KLB: variants seen among roughly 807,000 people sequenced by gnomAD.
KLB encodes klotho beta, also known as beta-klotho.
A neutral mutation model predicts 88.4 loss-of-function variants in KLB; 44 were observed. That is an observed-to-expected ratio of 0.50 (90% CI 0.39 to 0.64). The LOEUF (loss-of-function observed/expected upper bound fraction) is 0.64. KLB is among the 30% of genes least tolerant of loss of function. KLB has a pLI of 0.00. For synonymous variants in KLB, 548 were observed against 513.4 expected, an observed-to-expected ratio of 1.07 and a Z score of -0.91; for missense variants, 1,137 against 1,304.8, an observed-to-expected ratio of 0.87 and a Z score of 1.98.
Position 39,448,572 on chromosome 4 carries a change from C to T in KLB, c.3021C>T (p.Thr1007=), listed in dbSNP as rs1312209608. 6 of 1,614,150 alleles carry T rather than the reference C, an allele frequency of 3.7e-6. No homozygotes were observed. Among genetic ancestry groups the T allele is most frequent in the Non-Finnish European group, 5.1e-6 (6 of 1,180,036 alleles). The change falls in exon 5 of 5, where the codon ACC becomes ACT. Residue 1007 remains threonine (T), a synonymous_variant. Coordinates refer to ENST00000257408, the MANE Select transcript of KLB (RefSeq NM_175737.4). ...LIFLGCCFFS[T]LVLLLSIAIF... is the part of the protein sequence containing the mutation. ...TCCTGGGTTGTTGCTTCTTCTCCACCCTGGTTCTACTCTTATCAATTGCCA... is the reference window on the plus strand; with the variant it reads ...TCCTGGGTTGTTGCTTCTTCTCCACTCTGGTTCTACTCTTATCAATTGCCA...
Position 39,447,448 on chromosome 4 carries a change from G to C in KLB, c.2722G>C (p.Gly908Arg). Residue 908 changes from glycine to arginine, a missense_variant, in exon 4 of 5, where the codon GGG becomes CGG. By Grantham distance (125) the Gly-to-Arg change is moderately radical (BLOSUM62 -2). Around this residue, in one of 4 missense-constraint regions of KLB, gnomAD observed 426 missense variants for 404.6 expected, o/e 1.05. Transcript: ENST00000257408. Reference protein sequence around the residue: ...EDDRLRKYYLGKYLQEVLKAY... With the variant: ...EDDRLRKYYLRKYLQEVLKAY... Reference sequence around the variant, plus strand: ...TGACCGGCTCCGGAAGTACTACCTAGGGAAGTACCTTCAGGAGGTGCTGAA... The same window carrying C: ...TGACCGGCTCCGGAAGTACTACCTACGGAAGTACCTTCAGGAGGTGCTGAA... The C allele has an allele frequency of 6.3e-7, 1 of 1,599,764 alleles. No homozygotes were observed. Among genetic ancestry groups the C allele is most frequent in the Non-Finnish European group, 8.5e-7 (1 of 1,172,008 alleles).
rs1237156653 is a variant in KLB at position 39,450,558 on chromosome 4, C to G, written c.*1872C>G. The G allele has an allele frequency of 1.3e-5, 2 of 152,320 alleles. No homozygotes were observed. Among genetic ancestry groups the G allele is most frequent in the South Asian group, 4.1e-4 (2 of 4,824 alleles). 9.4% of individuals were successfully genotyped at this position (152,320 alleles called of 1,614,324 possible). The stretch of plus-strand genomic sequence containing the variant: ...AAATTCTGCTTTACTCTTCTCTAGT[C>G]TCCTTGCCCCAGCTGCACCCACTAC... On this transcript the variant is annotated 3_prime_UTR_variant, in exon 5 of 5. Transcript: ENST00000257408.
intron 1 of KLB, among the ~76,000 whole-genome samples, chr4:39,422,654 C>A (rs753834783): frequency 6.6e-6 from 1 of 152,106 alleles, no homozygotes; most frequent in Non-Finnish European, 1.5e-5. Flanking sequence ...TGTTCTGTTA[C>A]ATTCAGTTAT....
In KLB at chr4:39,407,399, A is replaced by G. The variant is rs757547529; in HGVS notation, c.450A>G (p.Gln150=). 5.5e-5 allele frequency: 88 copies of G among 1,613,404 alleles called. No homozygotes were observed. The South Asian group carries it at 8.9e-4, about 16-fold the overall frequency. The change falls in exon 1 of 5, where the codon CAA becomes CAG. Residue 150 remains glutamine (Q), a synonymous_variant. Transcript: ENST00000257408. ...ALDFIGVSFY[Q]FSISWPRLFP... ...ATTTTATAGGAGTTTCTTTTTATCA[A>G]TTTTCAATTTCCTGGCCAAGGCTTT...
chr4:39,423,191 C>T (rs1267496523), intron 1 of KLB, among the ~76,000 whole-genome samples: 2 of 151,858 alleles, frequency 1.3e-5, no homozygotes, highest in South Asian at 2.1e-4. Flanking sequence ...CCAACGCTAA[C>T]GTTACTGGTT....
Position 39,449,672 on chromosome 4 carries a change from C to T in KLB, c.*986C>T, listed in dbSNP as rs1487578973. The T allele has an allele frequency of 6.6e-6, 1 of 151,838 alleles. No individual in the cohort carries two copies. Among genetic ancestry groups the T allele is most frequent in the Non-Finnish European group, 1.5e-5 (1 of 68,048 alleles). The allele number at this position is 151,838 out of a possible 1,614,324, so 9.4% of individuals were successfully genotyped here. ...CAGGCACGGTGGCACCGCCTGTAAT[C>T]CCAGCACTTTGGGAGGCCAAGGCAG... is the stretch of plus-strand genomic sequence containing the variant. On this transcript the variant is annotated 3_prime_UTR_variant, in exon 5 of 5. Transcript: ENST00000257408.
intron 3 of KLB, among the ~76,000 whole-genome samples, chr4:39,443,592 CAAA>C (rs770812561): frequency 4.6e-5 from 3 of 65,848 alleles, no homozygotes. Context: ...CCTGTCTCTA[CAAA>C]AAAAAAAAAA....
At chr4:39,432,237 G>T (rs1169854250) in intron 1 of KLB, among the ~76,000 whole-genome samples, 5 of 151,888 alleles carry the variant, frequency 3.3e-5, no homozygotes, top group African/African-American at 1.2e-4. Flanking sequence ...AGTGAGCTGA[G>T]ATGGCACCAC....
At position 39,446,429 on chromosome 4, in the gene KLB, G is replaced by T. The variant is rs762108072; in HGVS notation, c.1703G>T (p.Arg568Met). 3.1e-6 allele frequency: 5 copies of T among 1,614,096 alleles called. No homozygotes were observed. The highest frequency in any genetic ancestry group is 3.4e-6 in the Non-Finnish European group (4 of 1,180,046). The change falls in exon 4 of 5, where the codon AGG (arginine) becomes ATG (methionine). Residue 568 changes from arginine (R) to methionine (M), a missense_variant. Arg to Met is a moderately conservative substitution (Grantham distance 91). Around this residue, in one of 4 missense-constraint regions of KLB, gnomAD observed 597 missense variants for 765.2 expected, o/e 0.78. Coordinates refer to ENST00000257408, the MANE Select transcript of KLB (RefSeq NM_175737.4). The surrounding 1 kb of genome is among the most constrained non-coding windows in gnomAD (Gnocchi z 6.4). ...NRLLHRVEGV[R>M]LKTRPAQCTD... ...CTGTTGCACCGAGTGGAAGGGGTGA[G>T]GCTGAAAACACGACCCGCTCAATGC... is the stretch of plus-strand genomic sequence containing the variant.
intron 3 of KLB, among the ~76,000 whole-genome samples, chr4:39,443,592 CAA>C (rs770812561): frequency 1.1e-4 from 7 of 65,842 alleles, no homozygotes; most frequent in Admixed American, 2.0e-4. Context: ...CCTGTCTCTA[CAA>C]AAAAAAAAAA....
Position 39,447,141 on chromosome 4 carries a change from C to A in KLB, c.2415C>A (p.Arg805=). Residue 805 remains arginine (R), a synonymous_variant, in exon 4 of 5, where the codon CGC becomes CGA. Transcript: ENST00000257408. ...RRGLSSSALP[R]LTEAERRLLK... ...GGCTTTCCAGCTCGGCCCTGCCGCGCCTCACCGAGGCCGAAAGGAGGCTGC... is the reference window on the plus strand; with the variant it reads ...GGCTTTCCAGCTCGGCCCTGCCGCGACTCACCGAGGCCGAAAGGAGGCTGC... 6.2e-7 allele frequency: 1 copy of A among 1,613,664 alleles called. No individual in the cohort carries two copies. Among genetic ancestry groups the A allele is most frequent in the Non-Finnish European group, 8.5e-7 (1 of 1,180,022 alleles).
At chr4:39,431,990 C>T (rs1008457777) in intron 1 of KLB, among the ~76,000 whole-genome samples, 1 of 152,158 alleles carries the variant, frequency 6.6e-6, no homozygotes, top group African/African-American at 2.4e-5. Context: ...GTTTTAGAAA[C>T]ACACAAATAG....
At chr4:39,445,504 CTTTT>C (rs10634518) in intron 3 of KLB, among the ~76,000 whole-genome samples, 5 of 131,724 alleles carry the variant, frequency 3.8e-5, no homozygotes, top group Non-Finnish European at 6.4e-5. Context: ...CTTTTCTTTT[CTTTT>C]TTTTTTTTTT....
At chr4:39,425,872 C>T (rs1329469413) in intron 1 of KLB, among the ~76,000 whole-genome samples, 4 of 152,090 alleles carry the variant, frequency 2.6e-5, no homozygotes, top group Non-Finnish European at 5.9e-5. Flanking sequence ...AATGTCAGCA[C>T]TTTGGGAGGC....
At chr4:39,419,599 C>T (rs1427043437) in intron 1 of KLB, among the ~76,000 whole-genome samples, 1 of 151,922 alleles carries the variant, frequency 6.6e-6, no homozygotes, top group East Asian at 1.9e-4. Flanking sequence ...CATAGTGAAA[C>T]CTGTCTCTAC....
intron 1 of KLB, among the ~76,000 whole-genome samples, chr4:39,426,951 A>T (rs1743231484): frequency 1.3e-5 from 2 of 152,110 alleles, no homozygotes; most frequent in Admixed American, 1.3e-4. Context: ...AGCCTCCCAA[A>T]GTGCTGAGAG....
chr4:39,449,891 C>T lies in KLB; in HGVS notation c.*1205C>T, dbSNP rs1578218772. 1 of 152,076 alleles carries T rather than the reference C, an allele frequency of 6.6e-6. No homozygotes were observed. Among genetic ancestry groups the T allele is most frequent in the Non-Finnish European group, 1.5e-5 (1 of 68,040 alleles). The allele number at this position is 152,076 out of a possible 1,614,324, so 9.4% of individuals were successfully genotyped here. On this transcript the variant is annotated 3_prime_UTR_variant, in exon 5 of 5. Transcript: ENST00000257408. The stretch of plus-strand genomic sequence containing the variant: ...AATGAGCCAAGATCGTGCCATTGCA[C>T]TCCAGCCTGGGGGACAGGGCAAGAC...
chr4:39,448,846 C>T lies in KLB; in HGVS notation c.*160C>T, dbSNP rs1743823925. The T allele has an allele frequency of 1.5e-6, 1 of 680,468 alleles. No homozygotes were observed. Among genetic ancestry groups the T allele is most frequent in the African/African-American group, 1.8e-5 (1 of 55,462 alleles). 42.2% of individuals were successfully genotyped at this position (680,468 alleles called of 1,614,324 possible). On this transcript the variant is annotated 3_prime_UTR_variant, in exon 5 of 5. Coordinates refer to ENST00000257408, the MANE Select transcript of KLB (RefSeq NM_175737.4). Reference sequence around the variant, plus strand: ...TGCTGTGTGGTTCAAAGAACATTCCCTTAGGTGTTGACATCAGTGAACTCA... The same window carrying T: ...TGCTGTGTGGTTCAAAGAACATTCCTTTAGGTGTTGACATCAGTGAACTCA...
chr4:39,443,310 C>T (rs951062404), intron 3 of KLB, among the ~76,000 whole-genome samples: 3 of 151,112 alleles, frequency 2.0e-5, no homozygotes, highest in African/African-American at 4.9e-5. Flanking sequence ...ATCACTTGAG[C>T]CCAGGTGGTC....
Sources: gnomAD v4.1 joint callset for allele counts (sites outside exome capture counted in the v4.1 genomes callset) on GRCh38, gnomAD v4.1.1 for gene constraint, gnomAD v4.1.1 regional missense constraint, Gnocchi (gnomAD v3.1) non-coding constraint, MANE v1.5 for transcripts, NCBI Gene and HGNC (gene_info 2026-07-23, HGNC 2026-07-21) for gene names.